The following MOB3B variants were observed in gnomAD, a reference collection of about 807,000 sequenced individuals.
MOB3B encodes MOB kinase activator-like 2B.
Under a neutral mutation model 18.7 loss-of-function variants are expected in MOB3B, and 7 were observed. The ratio of observed to expected loss-of-function variants is 0.37; its 90% CI spans 0.21 to 0.70. The LOEUF is 0.70. MOB3B is among the 30% of genes least tolerant of loss of function. The pLI is 0.52. For missense variants in MOB3B, 253 were observed against 281.3 expected (o/e 0.90, Z 0.72); for synonymous variants, 111 against 99.9 (o/e 1.11, Z -0.66).
chr9:27,464,381 T>G, intron 1 of MOB3B, among the ~76,000 whole-genome samples: 1 of 152,224 alleles, frequency 6.6e-6, no homozygotes, highest in East Asian at 1.9e-4. Context: ...CCCCAACATT[T>G]ATAACACACT....
rs117702293 is a variant in MOB3B, at chr9:27,358,365, T to C, written c.621+669A>G. ...GGGTCCTTGACTTCTGAAGCACAGA[T>C]TGAGTGCCACTGGAAAGAGAGCTTT... On this transcript the variant is annotated intron_variant, in intron 3 of 3. Coordinates refer to ENST00000262244, the MANE Select transcript of MOB3B (RefSeq NM_024761.5). Among the ~76,000 whole-genome samples the C allele has an allele frequency of 5.7e-3, 861 of 152,320 alleles. 6 individuals carry two copies. Among genetic ancestry groups the C allele is most frequent in the Admixed American group, 9.7e-3 (149 of 15,300 alleles).
intron 2 of MOB3B, 104 bp downstream of exon 2, chr9:27,455,029 G>A (rs748845238): frequency 6.8e-5 from 83 of 1,213,028 alleles, no homozygotes; most frequent in Admixed American, 1.3e-4. Context: ...GTGAGTGATG[G>A]GATTAATGCA....
At chr9:27,458,312 C>T (rs1819219249) in intron 1 of MOB3B, among the ~76,000 whole-genome samples, 1 of 152,184 alleles carries the variant, frequency 6.6e-6, no homozygotes, top group Admixed American at 6.5e-5. Flanking sequence ...GCACCTGTGC[C>T]AGGCTCTTGT....
chr9:27,405,319 T>C (rs1317503005), intron 2 of MOB3B, among the ~76,000 whole-genome samples: 1 of 151,920 alleles, frequency 6.6e-6, no homozygotes, highest in East Asian at 1.9e-4. Context: ...TATTGGCTAG[T>C]CTGGTCTTGA....
At chr9:27,515,541 T>C (rs1820218956) in intron 1 of MOB3B, among the ~76,000 whole-genome samples, 1 of 152,358 alleles carries the variant, frequency 6.6e-6, no homozygotes, top group Middle Eastern at 3.4e-3. Context: ...ATCTAGAGCA[T>C]TGGCACTTAA....
chr9:27,358,463 A>G (rs1435779656), intron 3 of MOB3B, among the ~76,000 whole-genome samples: 1 of 152,180 alleles, frequency 6.6e-6, no homozygotes, highest in African/African-American at 2.4e-5. Flanking sequence ...AATGTTCTCT[A>G]TTCTAATATA....
chr9:27,331,276 C>T (rs907762402), intron 3 of MOB3B, among the ~76,000 whole-genome samples: 1 of 152,180 alleles, frequency 6.6e-6, no homozygotes, highest in Non-Finnish European at 1.5e-5. Flanking sequence ...TGCCTATGGT[C>T]CGCTGCTACC....
intron 3 of MOB3B, among the ~76,000 whole-genome samples, chr9:27,351,962 A>G (rs531805823): frequency 6.6e-6 from 1 of 152,300 alleles, no homozygotes; most frequent in East Asian, 1.9e-4. Context: ...ATAAATCTCA[A>G]TCATTAGCCA....
intron 3 of MOB3B, among the ~76,000 whole-genome samples, chr9:27,341,871 T>C (rs1820946997): frequency 6.6e-6 from 1 of 152,198 alleles, no homozygotes; most frequent in Non-Finnish European, 1.5e-5. Flanking sequence ...TCCTATCTTT[T>C]TTTCTATATC....
At chr9:27,375,435 A>G (rs1212178227) in intron 2 of MOB3B, among the ~76,000 whole-genome samples, 1 of 152,188 alleles carries the variant, frequency 6.6e-6, no homozygotes, top group African/African-American at 2.4e-5. Flanking sequence ...TTCTTTCTTT[A>G]TTAACATTCA....
chr9:27,404,114 C>T (rs1404693802), intron 2 of MOB3B, among the ~76,000 whole-genome samples: 2 of 152,144 alleles, frequency 1.3e-5, no homozygotes, highest in South Asian at 4.1e-4. Flanking sequence ...ATCTGGGTAA[C>T]CATCATTCTA....
chr9:27,352,408 G>A (rs976056548), intron 3 of MOB3B, among the ~76,000 whole-genome samples: 1 of 151,168 alleles, frequency 6.6e-6, no homozygotes, highest in African/African-American at 2.4e-5. Flanking sequence ...AGTGTGAGGA[G>A]ATGAAATAAT....
chr9:27,370,773 A>G (rs1821404549), intron 2 of MOB3B, among the ~76,000 whole-genome samples: 1 of 152,222 alleles, frequency 6.6e-6, no homozygotes, highest in Admixed American at 6.5e-5. Context: ...AAATAACCAT[A>G]GAAACCTGAG....
intron 1 of MOB3B, among the ~76,000 whole-genome samples, chr9:27,519,282 C>G (rs1000683904): frequency 6.6e-6 from 1 of 152,200 alleles, no homozygotes; most frequent in African/African-American, 2.4e-5. Flanking sequence ...TAGCCTGGCT[C>G]TCTCACAGGC....
chr9:27,442,302 T>C (rs187012916), intron 2 of MOB3B, among the ~76,000 whole-genome samples: 1 of 152,350 alleles, frequency 6.6e-6, no homozygotes, highest in Admixed American at 6.5e-5. Context: ...CTGTTGTTCA[T>C]CTGTCTTATT....
Position 27,471,068 on chromosome 9 carries a change from G to A in MOB3B, c.-198-15320C>T, listed in dbSNP as rs556176940. ...CCTCTGGGTTTCCTGGGGACACTCG[G>A]AAATGGCAGAAAGACCAAGATCACT... On this transcript the variant is annotated intron_variant, in intron 1 of 3. Coordinates refer to ENST00000262244, the MANE Select transcript of MOB3B (RefSeq NM_024761.5). Among the ~76,000 whole-genome samples the A allele has an allele frequency of 2.0e-5, 3 of 152,244 alleles. No individual in the cohort carries two copies. The South Asian group carries it at 6.2e-4, about 32-fold the overall frequency.
At chr9:27,357,121 AATATATAT>A (rs56064443) in intron 3 of MOB3B, among the ~76,000 whole-genome samples, 4 of 62,896 alleles carry the variant, frequency 6.4e-5, no homozygotes, top group Admixed American at 2.1e-4. Flanking sequence ...GAGTAATGCA[AATATATAT>A]ATATATATAT....
intron 1 of MOB3B, among the ~76,000 whole-genome samples, chr9:27,460,457 T>C (rs1457798136): frequency 1.3e-5 from 2 of 152,238 alleles, no homozygotes; most frequent in African/African-American, 4.8e-5. Flanking sequence ...TTCTAATTTT[T>C]CTTTTCCTAT....
Position 27,342,350 on chromosome 9 carries a change from G to A in MOB3B, c.622-11734C>T, listed in dbSNP as rs535664814. Reference sequence around the variant, plus strand: ...TCTTCTGTCTTGGGAGAACAATGATGTTACATCAGTAGAAAAACGCTTCTA... The same window carrying A: ...TCTTCTGTCTTGGGAGAACAATGATATTACATCAGTAGAAAAACGCTTCTA... On this transcript the variant is annotated intron_variant, in intron 3 of 3. Coordinates refer to ENST00000262244, the MANE Select transcript of MOB3B (RefSeq NM_024761.5). Among the ~76,000 whole-genome samples the A allele has an allele frequency of 3.3e-5, 5 of 152,252 alleles. No individual in the cohort carries two copies. In the South Asian group the frequency reaches 1.0e-3, roughly 32 times the overall value.
Sources: allele counts gnomAD v4.1 joint callset (sites outside exome capture counted in the v4.1 genomes callset), GRCh38; gene constraint gnomAD v4.1.1; transcripts MANE v1.5; gene names NCBI Gene and HGNC (gene_info 2026-07-23, HGNC 2026-07-21).